The following TULP4 variants were observed in gnomAD, a reference collection of about 807,000 sequenced individuals.
The protein encoded by TULP4 is tubby-related protein 4.
TULP4 carries 16 observed loss-of-function variants against 129.0 expected under a neutral mutation model. The ratio of observed to expected loss-of-function variants is 0.12; its 90% CI spans 0.08 to 0.19. The LOEUF (loss-of-function observed/expected upper bound fraction) is 0.19, where lower values mean the gene tolerates loss of function less well. Ranked by LOEUF, TULP4 falls within the 10% of genes least tolerant of loss-of-function variation. TULP4 has a pLI of 1.00. For synonymous variants in TULP4, 998 were observed against 854.0 expected, an observed-to-expected ratio of 1.17 and a Z score of -2.94; for missense variants, 1,842 against 2,059.1, an observed-to-expected ratio of 0.89 and a Z score of 2.04.
At chr6:158,308,620 C>T (rs1333112435), upstream of TULP4, among the ~76,000 whole-genome samples, 8 of 149,050 alleles carry the variant, frequency 5.4e-5, no homozygotes, top group African/African-American at 9.9e-5. Context: ...GGCGGCTGGT[C>T]GGGCGGGGGG....
chr6:158,419,537 C>T (rs1483070027), intron 2 of TULP4, among the ~76,000 whole-genome samples: 3 of 152,082 alleles, frequency 2.0e-5, no homozygotes, highest in Non-Finnish European at 4.4e-5. Flanking sequence ...AAAGATACAG[C>T]TTAGCAGATT....
chr6:158,480,739 G>T (rs898844575), intron 7 of TULP4, among the ~76,000 whole-genome samples: 1 of 151,916 alleles, frequency 6.6e-6, no homozygotes, highest in Non-Finnish European at 1.5e-5. Context: ...TACACGAGCA[G>T]ATCTCAACAC....
intron 1 of TULP4, among the ~76,000 whole-genome samples, chr6:158,397,603 G>C (rs771398234): frequency 6.6e-6 from 1 of 151,708 alleles, no homozygotes; most frequent in African/African-American, 2.4e-5. Flanking sequence ...TATTGTTTTT[G>C]ATGTGTGGCC....
At chr6:158,479,172 G>A (rs1779883014) in intron 6 of TULP4, among the ~76,000 whole-genome samples, 2 of 152,104 alleles carry the variant, frequency 1.3e-5, no homozygotes, top group Admixed American at 1.3e-4. Flanking sequence ...GGGCCATCTG[G>A]TCTACCTCAT....
Position 158,501,842 on chromosome 6 carries a change from C to G in TULP4, c.2179C>G (p.Gln727Glu), listed in dbSNP as rs1780452039. Residue 727 changes from glutamine to glutamate, a missense_variant, in exon 13 of 14, where the codon CAG becomes GAG. By Grantham distance (29) the Gln-to-Glu change is conservative. Coordinates refer to ENST00000367097, the MANE Select transcript of TULP4 (RefSeq NM_020245.5). ...QNVQLDVLTN[Q>E]TTAVGTAEHA... ...TGTGCAGCTAGATGTCCTGACCAACCAGACGACAGCTGTAGGGACAGCAGA... is the reference window on the plus strand; with the variant it reads ...TGTGCAGCTAGATGTCCTGACCAACGAGACGACAGCTGTAGGGACAGCAGA... 2 of 1,614,048 alleles carry G rather than the reference C, an allele frequency of 1.2e-6. No homozygotes were observed. The highest frequency in any genetic ancestry group is 1.7e-6 in the Non-Finnish European group (2 of 1,180,030).
At chr6:158,257,782 ATAT>A (rs1778276219) in intron 1 of TULP4, among the ~76,000 whole-genome samples, 1 of 152,170 alleles carries the variant, frequency 6.6e-6, no homozygotes, top group Non-Finnish European at 1.5e-5. Context: ...TGTCTCCCCC[ATAT>A]TATACTCTCA....
chr6:158,401,864 A>T (rs568432081), intron 1 of TULP4, among the ~76,000 whole-genome samples: 44 of 151,624 alleles, frequency 2.9e-4, no homozygotes, highest in Non-Finnish European at 5.9e-4. Flanking sequence ...TTGAGTGATC[A>T]TTGGTTTTTG....
chr6:158,379,492 C>T (rs1356713468), intron 1 of TULP4, among the ~76,000 whole-genome samples: 2 of 152,176 alleles, frequency 1.3e-5, no homozygotes, highest in Admixed American at 6.5e-5. Context: ...ATGTCCACAA[C>T]GATGGGGCAG....
chr6:158,260,001 C>G (rs1401561102), intron 1 of TULP4, among the ~76,000 whole-genome samples: 1 of 152,204 alleles, frequency 6.6e-6, no homozygotes, highest in Non-Finnish European at 1.5e-5. Flanking sequence ...TTTATCGTAT[C>G]AGGGTCTTAT....
Position 158,503,905 on chromosome 6 carries a change from C to T in TULP4, c.4242C>T (p.Ile1414=). ...DSSESEPELF[I]SGDELMNQSQ... is the part of the protein sequence containing the mutation. The stretch of plus-strand genomic sequence containing the variant: ...CCGAGAGCGAGCCTGAGCTGTTCAT[C>T]AGCGGGGATGAGCTCATGAACCAGA... The change falls in exon 13 of 14, where the codon ATC becomes ATT. Residue 1414 remains isoleucine, a synonymous_variant. Transcript: ENST00000367097. The surrounding 1 kb of genome is among the most constrained non-coding windows in gnomAD (Gnocchi z 4.3). 1 of 1,614,102 alleles carries T rather than the reference C, an allele frequency of 6.2e-7. No individual in the cohort carries two copies.
intron 1 of TULP4, among the ~76,000 whole-genome samples, chr6:158,334,565 G>A (rs116063506): frequency 0.012 from 1,810 of 150,372 alleles, 40 homozygotes; most frequent in African/African-American, 0.04. Context: ...GTTATATGCA[G>A]ATCTTCAACT....
At chr6:158,463,318 A>G (rs1488367215) in intron 6 of TULP4, among the ~76,000 whole-genome samples, 1 of 152,056 alleles carries the variant, frequency 6.6e-6, no homozygotes, top group Non-Finnish European at 1.5e-5. Context: ...CCCCCTTTCT[A>G]TTTGTTTTTA....
chr6:158,331,688 GAC>G (rs146753041), intron 1 of TULP4, among the ~76,000 whole-genome samples: 865 of 43,266 alleles, frequency 0.02, 177 homozygotes, highest in East Asian at 0.069. Context: ...TCGTTCAACA[GAC>G]ACACACACAC....
At chr6:158,336,265 T>C (rs1780030978) in intron 1 of TULP4, among the ~76,000 whole-genome samples, 1 of 152,246 alleles carries the variant, frequency 6.6e-6, no homozygotes, top group Admixed American at 6.5e-5. Flanking sequence ...CATCTATTTT[T>C]CTATAGAAAT....
chr6:158,389,295 A>G (rs1451194024), intron 1 of TULP4, among the ~76,000 whole-genome samples: 1 of 152,194 alleles, frequency 6.6e-6, no homozygotes, highest in Non-Finnish European at 1.5e-5. Context: ...TACAAAAAAT[A>G]CAAAAATTAG....
At chr6:158,246,938 G>A (rs775927174) in intron 1 of TULP4, among the ~76,000 whole-genome samples, 4 of 152,204 alleles carry the variant, frequency 2.6e-5, no homozygotes, top group Non-Finnish European at 5.9e-5. Flanking sequence ...CAGCAGTGCT[G>A]TGCAGAGGAT....
intron 1 of TULP4, among the ~76,000 whole-genome samples, chr6:158,257,444 A>G (rs1778269888): frequency 6.6e-6 from 1 of 152,230 alleles, no homozygotes; most frequent in African/African-American, 2.4e-5. Flanking sequence ...TATTATTGTA[A>G]TCATTTTTCA....
intron 1 of TULP4, among the ~76,000 whole-genome samples, chr6:158,370,360 G>A (rs921004802): frequency 4.6e-5 from 7 of 150,836 alleles, no homozygotes; most frequent in Non-Finnish European, 7.4e-5. Context: ...AGGAGGCCGA[G>A]GCAGGAGAAT....
chr6:158,408,077 A>G (rs1778006785), intron 1 of TULP4, among the ~76,000 whole-genome samples: 2 of 152,202 alleles, frequency 1.3e-5, no homozygotes, highest in African/African-American at 2.4e-5. Context: ...ACGGTTAATC[A>G]TCTTTCAAGA....
Sources: allele counts gnomAD v4.1 joint callset (sites outside exome capture counted in the v4.1 genomes callset), GRCh38; gene constraint gnomAD v4.1.1; non-coding constraint Gnocchi (gnomAD v3.1); transcripts MANE v1.5; gene names NCBI Gene and HGNC (gene_info 2026-07-23, HGNC 2026-07-21).